Variants in ANO10 observed in about 807,000 individuals in gnomAD.
ANO10 encodes anoctamin 10.
A neutral mutation model predicts 74.7 loss-of-function variants in ANO10; 77 were observed. The ratio of observed to expected loss-of-function variants is 1.03; its 90% CI spans 0.86 to 1.25. The LOEUF (loss-of-function observed/expected upper bound fraction) is 1.25. Among genes scored for constraint, ANO10 ranks in the 50% most tolerant of loss-of-function variants. The probability of loss-of-function intolerance (pLI) is 0.00; values close to 1 mark genes in which losing one functional copy is unlikely to be tolerated. For missense variants in ANO10, 721 were observed against 778.1 expected (o/e 0.93, Z 0.87); for synonymous variants, 279 against 284.9 (o/e 0.98, Z 0.21).
chr3:43,592,073 C>G (rs976535351), intron 4 of ANO10, among the ~76,000 whole-genome samples: 21 of 152,238 alleles, frequency 1.4e-4, no homozygotes, highest in African/African-American at 5.1e-4. Flanking sequence ...ATTGCTGAAG[C>G]TTGAGTAGGT....
At chr3:43,608,477 C>T (rs1043316795) in intron 1 of ANO10, among the ~76,000 whole-genome samples, 4 of 152,170 alleles carry the variant, frequency 2.6e-5, no homozygotes, top group Non-Finnish European at 4.4e-5. Context: ...GTTGCCCAGG[C>T]TCATCTCGAA....
chr3:43,560,893 G>A (rs1418534158), intron 9 of ANO10, among the ~76,000 whole-genome samples: 1 of 152,214 alleles, frequency 6.6e-6, no homozygotes, highest in African/African-American at 2.4e-5. Flanking sequence ...AGCGAGCAAT[G>A]CTGCTGCCTC....
chr3:43,417,456 A>C (rs1411216861), intron 12 of ANO10, among the ~76,000 whole-genome samples: 1 of 152,162 alleles, frequency 6.6e-6, no homozygotes, highest in Non-Finnish European at 1.5e-5. Flanking sequence ...AAGCCGGACT[A>C]CAAAGTCCGG....
At chr3:43,453,472 C>A (rs1487698463) in intron 11 of ANO10, among the ~76,000 whole-genome samples, 1 of 152,196 alleles carries the variant, frequency 6.6e-6, no homozygotes, top group Non-Finnish European at 1.5e-5. Flanking sequence ...AGCCACCGCA[C>A]CTGGCCTATC....
intron 1 of ANO10, among the ~76,000 whole-genome samples, chr3:43,613,760 T>A (rs1403436827): frequency 6.6e-6 from 1 of 152,134 alleles, no homozygotes; most frequent in Non-Finnish European, 1.5e-5. Context: ...TCAAATACAA[T>A]AAACACTTAT....
At chr3:43,557,913 T>A (rs2079837082) in intron 9 of ANO10, among the ~76,000 whole-genome samples, 1 of 151,752 alleles carries the variant, frequency 6.6e-6, no homozygotes, top group South Asian at 2.1e-4. Flanking sequence ...AAGACCAGCC[T>A]GGGCAACACA....
At chr3:43,440,300 C>T (rs911229569) in intron 11 of ANO10, among the ~76,000 whole-genome samples, 1 of 151,932 alleles carries the variant, frequency 6.6e-6, no homozygotes, top group Admixed American at 6.6e-5. Context: ...GATCCAATTA[C>T]CTGCAGATGT....
chr3:43,554,109 T>C (rs1246595108), intron 10 of ANO10, among the ~76,000 whole-genome samples: 1 of 152,122 alleles, frequency 6.6e-6, no homozygotes, highest in African/African-American at 2.4e-5. Context: ...TGTGTCACCT[T>C]GGTAGTGGCA....
chr3:43,675,168 C>T (rs954637449), intron 1 of ANO10, among the ~76,000 whole-genome samples: 4 of 152,042 alleles, frequency 2.6e-5, no homozygotes, highest in African/African-American at 9.7e-5. Context: ...AATTGGATAT[C>T]CATAAGCAAA....
intron 11 of ANO10, among the ~76,000 whole-genome samples, chr3:43,458,147 T>C (rs1229781995): frequency 6.6e-6 from 1 of 152,186 alleles, no homozygotes; most frequent in East Asian, 1.9e-4. Flanking sequence ...ATATCCCCAC[T>C]GTGCTATATA....
intron 11 of ANO10, among the ~76,000 whole-genome samples, chr3:43,440,829 A>G (rs537662243): frequency 1.3e-5 from 2 of 152,154 alleles, no homozygotes; most frequent in Non-Finnish European, 2.9e-5. Context: ...CAAATTCAAG[A>G]AGACTGAAAT....
chr3:43,563,548 C>A (rs2080158379), intron 8 of ANO10, among the ~76,000 whole-genome samples: 1 of 151,756 alleles, frequency 6.6e-6, no homozygotes, highest in South Asian at 2.1e-4. Context: ...GACACCTGCA[C>A]CCCCATGTTT....
At chr3:43,423,460 C>T (rs918981987) in intron 12 of ANO10, among the ~76,000 whole-genome samples, 5 of 152,102 alleles carry the variant, frequency 3.3e-5, no homozygotes, top group African/African-American at 1.2e-4. Context: ...TCGGGGACCT[C>T]GCAGCTCACA....
chr3:43,616,724 G>A (rs374258728), intron 1 of ANO10, among the ~76,000 whole-genome samples: 23 of 152,236 alleles, frequency 1.5e-4, no homozygotes, highest in Middle Eastern at 3.4e-3. Flanking sequence ...TGTGCCAGCC[G>A]TTATGCCACA....
intron 12 of ANO10, among the ~76,000 whole-genome samples, chr3:43,421,461 G>A (rs755396136): frequency 2.6e-5 from 4 of 152,134 alleles, no homozygotes; most frequent in Non-Finnish European, 4.4e-5. Context: ...GGAGGTCGAG[G>A]CTGCAGTGAG....
At chr3:43,618,725 T>G (rs2083241884) in intron 1 of ANO10, among the ~76,000 whole-genome samples, 1 of 152,234 alleles carries the variant, frequency 6.6e-6, no homozygotes, top group South Asian at 2.1e-4. Flanking sequence ...ACTCAGATCA[T>G]GCTTTCTAGT....
intron 4 of ANO10, 143 bp downstream of exon 4, chr3:43,598,389 G>T (rs2082185320): frequency 2.6e-6 from 2 of 765,602 alleles, no homozygotes; most frequent in African/African-American, 3.5e-5. Flanking sequence ...GCAATATACT[G>T]AGGTTCCAAA....
At chr3:43,586,375 C>A (rs1370083996) in intron 4 of ANO10, among the ~76,000 whole-genome samples, 1 of 152,064 alleles carries the variant, frequency 6.6e-6, no homozygotes, top group Non-Finnish European at 1.5e-5. Context: ...CATGGAGGTT[C>A]TTTTCAGGGA....
chr3:43,666,182 GAAT>G lies in ANO10; in HGVS notation c.-12+25332_-12+25334del, dbSNP rs1323003462. ...TAAAACCTATATTTCAAGCTTTAAA[GAAT>G]AATTCAAAAGAAGTACTTAATGTCC... On this transcript the variant is annotated intron_variant, in intron 1 of 3. Coordinates refer to the ANO10 transcript ENST00000413397. Among the ~76,000 whole-genome samples, 7 of 152,146 alleles carry G rather than the reference GAAT, an allele frequency of 4.6e-5. No homozygotes were observed. The East Asian group carries it at 1.4e-3, about 29-fold the overall frequency.
Sources: gnomAD v4.1 joint callset for allele counts (sites outside exome capture counted in the v4.1 genomes callset) on GRCh38, gnomAD v4.1.1 for gene constraint, MANE v1.5 for transcripts, NCBI Gene and HGNC (gene_info 2026-07-23, HGNC 2026-07-21) for gene names.